NFATC3: variants seen among roughly 807,000 people sequenced by gnomAD.
The protein encoded by NFATC3 is nuclear factor of activated T cells 3.
A neutral mutation model predicts 98.6 loss-of-function variants in NFATC3; 46 were observed. The ratio of observed to expected loss-of-function variants is 0.47; its 90% confidence interval spans 0.37 to 0.60. NFATC3 has a LOEUF of 0.60. NFATC3 is among the 20% of genes least tolerant of loss of function. NFATC3 has a pLI of 0.00. For synonymous variants in NFATC3, 512 were observed against 472.2 expected (o/e 1.08, Z -1.09); for missense variants, 1,256 against 1,295.5 (o/e 0.97, Z 0.47).
intron 9 of NFATC3, among the ~76,000 whole-genome samples, chr16:68,204,704 G>T (rs1416963970): frequency 6.6e-6 from 1 of 152,152 alleles, no homozygotes; most frequent in African/African-American, 2.4e-5. Flanking sequence ...TTTCTAATGT[G>T]CTGCCATGTG....
chr16:68,219,156 C>T (rs1336594955), intron 9 of NFATC3, among the ~76,000 whole-genome samples: 4 of 151,590 alleles, frequency 2.6e-5, no homozygotes, highest in South Asian at 2.1e-4. Flanking sequence ...GAGGCTGAAG[C>T]GGGCAGATCA....
intron 7 of NFATC3, among the ~76,000 whole-genome samples, chr16:68,182,551 A>G (rs1398184681): frequency 6.6e-6 from 1 of 152,106 alleles, no homozygotes; most frequent in Non-Finnish European, 1.5e-5. Flanking sequence ...GATGGAGTCT[A>G]GCTCTGTCGT....
chr16:68,170,837 A>G (rs2039425423), intron 5 of NFATC3, among the ~76,000 whole-genome samples: 1 of 152,066 alleles, frequency 6.6e-6, no homozygotes, highest in Non-Finnish European at 1.5e-5. Context: ...GTAAACACAC[A>G]TACACACACA....
At chr16:68,148,966 A>G (rs1482896019) in intron 3 of NFATC3, among the ~76,000 whole-genome samples, 1 of 152,194 alleles carries the variant, frequency 6.6e-6, no homozygotes, top group Non-Finnish European at 1.5e-5. Flanking sequence ...ACTGCACTCC[A>G]GCCTGGGCAA....
intron 9 of NFATC3, among the ~76,000 whole-genome samples, chr16:68,212,165 T>C (rs1265468986): frequency 2.0e-5 from 3 of 152,244 alleles, no homozygotes; most frequent in Admixed American, 6.5e-5. Flanking sequence ...TAAAATACTT[T>C]GCACACACTG....
intron 5 of NFATC3, among the ~76,000 whole-genome samples, chr16:68,171,928 A>G (rs910717365): frequency 1.3e-5 from 2 of 152,024 alleles, no homozygotes; most frequent in Admixed American, 1.3e-4. Flanking sequence ...AGCCAGGATT[A>G]CAGGCGTGCA....
chr16:68,207,508 G>A (rs910409699), intron 9 of NFATC3, among the ~76,000 whole-genome samples: 1 of 152,144 alleles, frequency 6.6e-6, no homozygotes, highest in Admixed American at 6.5e-5. Context: ...CTGTCACCCA[G>A]GCTGGAGTGC....
At chr16:68,120,501 C>T (rs2036513267) in intron 1 of NFATC3, among the ~76,000 whole-genome samples, 1 of 149,830 alleles carries the variant, frequency 6.7e-6, no homozygotes, top group Admixed American at 6.7e-5. Flanking sequence ...ATCGCCTGAA[C>T]TTCGGAGGCA....
chr16:68,122,934 C>T lies in NFATC3; in HGVS notation c.1051C>T (p.Leu351=), dbSNP rs751277406. 2 of 1,614,076 alleles carry T rather than the reference C, an allele frequency of 1.2e-6. No individual in the cohort carries two copies. Among genetic ancestry groups the T allele is most frequent in the East Asian group, 4.5e-5 (2 of 44,886 alleles). ...RKTSEDQAAI[L]PGKLELCSDD... ...AACTTCTGAAGATCAAGCTGCCATA[C>T]TACCAGGAAAATTAGAGCTGTGTTC... The change falls in exon 2 of 10, where the codon CTA becomes TTA. Residue 351 remains leucine (L), a synonymous_variant. Coordinates refer to ENST00000346183, the MANE Select transcript of NFATC3 (RefSeq NM_173165.3).
chr16:68,114,017 C>T (rs1014113032), intron 1 of NFATC3, among the ~76,000 whole-genome samples: 1 of 152,230 alleles, frequency 6.6e-6, no homozygotes, highest in Non-Finnish European at 1.5e-5. Flanking sequence ...CAGCCTGCTG[C>T]TGCTAGCCAC....
intron 1 of NFATC3, among the ~76,000 whole-genome samples, chr16:68,097,874 C>T (rs2035100850): frequency 6.6e-6 from 1 of 152,160 alleles, no homozygotes; most frequent in South Asian, 2.1e-4. Context: ...TAATCACTCC[C>T]TCCCATACAC....
chr16:68,145,142 T>C (rs1234158265), intron 3 of NFATC3, among the ~76,000 whole-genome samples: 1 of 151,312 alleles, frequency 6.6e-6, no homozygotes, highest in Admixed American at 6.6e-5. Context: ...TCTTTTTTTT[T>C]TTTTTTTTGT....
chr16:68,223,894 C>CAA (rs1190287100), intron 9 of NFATC3, among the ~76,000 whole-genome samples: 236 of 58,258 alleles, frequency 4.1e-3, no homozygotes, highest in South Asian at 0.022. Context: ...GACTCCATCT[C>CAA]AAAAAAAAAA....
At chr16:68,087,284 CAT>C (rs1468593188) in intron 1 of NFATC3, among the ~76,000 whole-genome samples, 1 of 152,052 alleles carries the variant, frequency 6.6e-6, no homozygotes, top group Admixed American at 6.6e-5. Context: ...GTTAACCAAA[CAT>C]ATGAATAATA....
In NFATC3 at chr16:68,085,539, C is replaced by G; in HGVS notation, c.-143C>G. 1.5e-6 allele frequency: 1 copy of G among 669,654 alleles called. No individual in the cohort carries two copies. Among genetic ancestry groups the G allele is most frequent in the Non-Finnish European group, 2.3e-6 (1 of 436,198 alleles). The allele number at this position is 669,654 out of a possible 1,614,324, so 41.5% of individuals were successfully genotyped here. A position where few individuals can be genotyped will look rare whatever the true frequency, so the allele number is the denominator to read the frequency against. ...GGAACGGAACGCTCGGCGTCGCGGGCCCCGCCCGGAAAGTTTGCCGTGGAG... is the reference window on the plus strand; with the variant it reads ...GGAACGGAACGCTCGGCGTCGCGGGGCCCGCCCGGAAAGTTTGCCGTGGAG... On this transcript the variant is annotated 5_prime_UTR_variant, in exon 1 of 10. Coordinates refer to ENST00000346183, the MANE Select transcript of NFATC3 (RefSeq NM_173165.3).
At chr16:68,157,540 T>A (rs904126133) in intron 3 of NFATC3, among the ~76,000 whole-genome samples, 1 of 152,214 alleles carries the variant, frequency 6.6e-6, no homozygotes, top group Non-Finnish European at 1.5e-5. Context: ...ATGGTTAATG[T>A]TGCCCAGAGT....
intron 6 of NFATC3, among the ~76,000 whole-genome samples, chr16:68,177,032 C>CTTTTTTTTTTTTTTTTTTT (rs548092276): frequency 1.1e-4 from 15 of 133,106 alleles, no homozygotes; most frequent in Non-Finnish European, 1.6e-4. Context: ...CTTTTCTTTT[C>CTTTTTTTTTTTTTTTTTTT]TTTTTTTTTT....
intron 1 of NFATC3, among the ~76,000 whole-genome samples, chr16:68,095,597 G>T (rs939721057): frequency 6.6e-6 from 1 of 152,030 alleles, no homozygotes; most frequent in African/African-American, 2.4e-5. Context: ...CAGGTGATCC[G>T]CCTGCCTCGG....
At chr16:68,176,780 A>C (rs1372780540) in intron 6 of NFATC3, among the ~76,000 whole-genome samples, 4 of 152,134 alleles carry the variant, frequency 2.6e-5, no homozygotes, top group Non-Finnish European at 5.9e-5. Context: ...TTCTTTATAT[A>C]TTCCGGATAT....
Sources: gnomAD v4.1 joint callset for allele counts (sites outside exome capture counted in the v4.1 genomes callset) on GRCh38, gnomAD v4.1.1 for gene constraint, MANE v1.5 for transcripts, NCBI Gene and HGNC (gene_info 2026-07-23, HGNC 2026-07-21) for gene names.